The following PHLPP1 variants were observed in gnomAD, a reference collection of about 807,000 sequenced individuals.
PHLPP1 encodes the protein PH domain and leucine rich repeat protein phosphatase 1.
A neutral mutation model predicts 117.2 loss-of-function variants in PHLPP1; 42 were observed. The observed-to-expected ratio is 0.36, with a 90% CI of 0.28 to 0.46. The LOEUF (loss-of-function observed/expected upper bound fraction) is 0.46, where lower values mean the gene tolerates loss of function less well. Among genes scored for constraint, PHLPP1 ranks in the 20% least tolerant of loss-of-function variants. The pLI is 1.00. For synonymous variants in PHLPP1, 1,042 were observed against 970.7 expected (o/e 1.07, Z -1.37); for missense variants, 2,084 against 2,241.9 (o/e 0.93, Z 1.42).
At chr18:62,756,590 C>T (rs2071357068) in intron 1 of PHLPP1, among the ~76,000 whole-genome samples, 1 of 152,210 alleles carries the variant, frequency 6.6e-6, no homozygotes, top group Non-Finnish European at 1.5e-5. Flanking sequence ...GGTTTGCTCT[C>T]AGGCAGGCTT....
intron 12 of PHLPP1, among the ~76,000 whole-genome samples, chr18:62,945,573 G>C (rs1326842991): frequency 6.6e-6 from 1 of 152,118 alleles, no homozygotes; most frequent in Non-Finnish European, 1.5e-5. Flanking sequence ...GTTAATAGTT[G>C]TTCCACTTAT....
chr18:62,947,049 T>A (rs1008676255), intron 12 of PHLPP1, among the ~76,000 whole-genome samples: 1 of 152,142 alleles, frequency 6.6e-6, no homozygotes, highest in Non-Finnish European at 1.5e-5. Flanking sequence ...CGAGACTCCG[T>A]CTCAAAAAAC....
intron 3 of PHLPP1, among the ~76,000 whole-genome samples, chr18:62,847,638 G>T (rs976290890): frequency 6.6e-6 from 1 of 152,132 alleles, no homozygotes; most frequent in Non-Finnish European, 1.5e-5. Flanking sequence ...AATATTAACT[G>T]CAGTTTTCTA....
chr18:62,717,654 A>G (rs1910801020), intron 1 of PHLPP1, among the ~76,000 whole-genome samples: 1 of 152,172 alleles, frequency 6.6e-6, no homozygotes, highest in African/African-American at 2.4e-5. Context: ...AGAAATGACA[A>G]TAAAAATGCT....
At chr18:62,957,834 C>T (rs1910662191) in intron 12 of PHLPP1, among the ~76,000 whole-genome samples, 3 of 152,006 alleles carry the variant, frequency 2.0e-5, no homozygotes, top group South Asian at 2.1e-4. Context: ...TCCTGCCTCA[C>T]CCTCTCTAGT....
intron 6 of PHLPP1, among the ~76,000 whole-genome samples, chr18:62,897,874 C>G (rs1330306818): frequency 6.6e-6 from 1 of 152,146 alleles, no homozygotes; most frequent in African/African-American, 2.4e-5. Flanking sequence ...CTTAGTTTCT[C>G]TAAGTAAAGG....
In PHLPP1 at chr18:62,873,376, C is replaced by G. The variant is rs377535568; in HGVS notation, c.2066+12775C>G. On this transcript the variant is annotated intron_variant, in intron 4 of 16. Transcript: ENST00000262719. ...AAGCCTGTGTTCTAGTAAGTACTTG[C>G]CAAATTGGTGACAATTAAAATACAC... Among the ~76,000 whole-genome samples, 39 of 152,166 alleles carry G rather than the reference C, an allele frequency of 2.6e-4. 1 individual carries two copies. The South Asian group carries it at 7.5e-3, about 29-fold the overall frequency.
Position 62,941,778 on chromosome 18 carries a change from C to T in PHLPP1, c.3021C>T (p.Ser1007=), listed in dbSNP as rs375913168. 1.5e-4 allele frequency: 242 copies of T among 1,613,832 alleles called. No homozygotes were observed. In the African/African-American group the frequency reaches 2.8e-3, roughly 19 times the overall value. ...AAAGCCTTCCTCCAGCCACGCTTTC[C>T]GAAGAGACAAACAGTATCTTACAAG... The part of the protein sequence containing the change: ...KLESLPPATL[S]EETNSILQEL... The change falls in exon 11 of 17, where the codon TCC becomes TCT. Residue 1007 remains serine (S), a synonymous_variant. Transcript: ENST00000262719.
chr18:62,862,392 T>C (rs146521506), intron 4 of PHLPP1, among the ~76,000 whole-genome samples: 68 of 152,302 alleles, frequency 4.5e-4, no homozygotes, highest in African/African-American at 1.6e-3. Context: ...ATATCACCAC[T>C]GATCTTATCA....
At chr18:62,856,224 A>G (rs1291229995) in intron 3 of PHLPP1, among the ~76,000 whole-genome samples, 1 of 152,032 alleles carries the variant, frequency 6.6e-6, no homozygotes, top group Non-Finnish European at 1.5e-5. Flanking sequence ...CGCCGACCAT[A>G]TGTTGGTGAT....
intron 9 of PHLPP1, among the ~76,000 whole-genome samples, chr18:62,917,039 C>CCA (rs1909304329): frequency 6.6e-6 from 1 of 151,326 alleles, no homozygotes; most frequent in African/African-American, 2.4e-5. Flanking sequence ...TAGCCATGAG[C>CCA]CACCACACCT....
At position 62,725,887 on chromosome 18, in the gene PHLPP1, A is replaced by T. The variant is rs150019889; in HGVS notation, c.1576+8628A>T. Among the ~76,000 whole-genome samples, 573 of 152,318 alleles carry T rather than the reference A, an allele frequency of 3.8e-3. 5 individuals carry two copies. The highest frequency in any genetic ancestry group is 0.013 in the African/African-American group (529 of 41,574). On this transcript the variant is annotated intron_variant, in intron 1 of 16. Transcript: ENST00000262719. ...AAATGAGTAAAGGAACTTTTAAAAA[A>T]ATGCGTAAGTACACAAGGGTAAAAA... is the stretch of plus-strand genomic sequence containing the variant.
intron 2 of PHLPP1, among the ~76,000 whole-genome samples, chr18:62,830,507 G>T (rs1914728992): frequency 6.6e-6 from 1 of 152,146 alleles, no homozygotes; most frequent in African/African-American, 2.4e-5. Context: ...GGGATTACAG[G>T]TGTGAGCCAC....
At chr18:62,863,063 T>G (rs1599089410) in intron 4 of PHLPP1, among the ~76,000 whole-genome samples, 1 of 151,888 alleles carries the variant, frequency 6.6e-6, no homozygotes, top group South Asian at 2.1e-4. Flanking sequence ...TTTTTTTTTT[T>G]TTAATTGAAA....
intron 1 of PHLPP1, among the ~76,000 whole-genome samples, chr18:62,746,853 G>A (rs1001070865): frequency 2.6e-5 from 4 of 151,558 alleles, no homozygotes; most frequent in African/African-American, 9.7e-5. Context: ...TTTATTTTTC[G>A]CTTGGTAGAA....
At chr18:62,762,744 A>G (rs1912294801) in intron 1 of PHLPP1, among the ~76,000 whole-genome samples, 1 of 152,140 alleles carries the variant, frequency 6.6e-6, no homozygotes, top group South Asian at 2.1e-4. Flanking sequence ...ATTTTCATGT[A>G]GATTTATGCT....
chr18:62,973,518 C>T (rs531763511), intron 15 of PHLPP1, among the ~76,000 whole-genome samples: 26 of 152,300 alleles, frequency 1.7e-4, no homozygotes, highest in African/African-American at 5.8e-4. Context: ...TTATCCTTAT[C>T]TGCTCTTTCT....
chr18:62,949,551 A>G (rs547409), intron 12 of PHLPP1, among the ~76,000 whole-genome samples: 61,949 of 151,744 alleles, frequency 0.41, 12,801 homozygotes, highest in East Asian at 0.63. Context: ...AGTAGGAAAA[A>G]TAAAATGAGT....
intron 3 of PHLPP1, among the ~76,000 whole-genome samples, chr18:62,841,636 T>C (rs1167044548): frequency 6.6e-6 from 1 of 152,012 alleles, no homozygotes; most frequent in African/African-American, 2.4e-5. Context: ...CTGGCTTACT[T>C]TTCTGTGTTT....
Sources: allele counts gnomAD v4.1 joint callset (sites outside exome capture counted in the v4.1 genomes callset), GRCh38; gene constraint gnomAD v4.1.1; transcripts MANE v1.5; gene names NCBI Gene and HGNC (gene_info 2026-07-23, HGNC 2026-07-21).